The following REPS2 variants were observed in gnomAD, a reference collection of about 807,000 sequenced individuals.
REPS2 encodes the protein RALBP1 associated Eps domain containing 2.
Under a neutral mutation model 53.6 loss-of-function variants are expected in REPS2, and 23 were observed. The observed-to-expected ratio is 0.43, with a 90% CI of 0.31 to 0.61. REPS2 has a LOEUF of 0.61. Among genes scored for constraint, REPS2 ranks in the 20% least tolerant of loss-of-function variants. The pLI is 0.11. For missense variants in REPS2, 446 were observed against 534.9 expected, an observed-to-expected ratio of 0.83 and a Z score of 1.64; for synonymous variants, 238 against 218.6, an observed-to-expected ratio of 1.09 and a Z score of -0.78.
At chrX:16,965,011 C>T (rs1489817156) in intron 1 of REPS2, among the ~76,000 whole-genome samples, 1 of 86,055 alleles carries the variant, frequency 1.2e-5, no homozygotes, top group Non-Finnish European at 2.3e-5. Context: ...CCCCTCACCT[C>T]CCGGACGGGG....
chrX:17,021,616 G>A (rs897880047), intron 2 of REPS2, among the ~76,000 whole-genome samples: 11 of 112,742 alleles, frequency 9.8e-5, no homozygotes, highest in African/African-American at 3.5e-4. Context: ...CCACAGATGA[G>A]TTGTGTGATC....
intron 14 of REPS2, among the ~76,000 whole-genome samples, chrX:17,133,324 A>G (rs970987854): frequency 9.0e-6 from 1 of 111,363 alleles, no homozygotes; most frequent in Non-Finnish European, 1.9e-5. Flanking sequence ...TAGGTGCTGG[A>G]TCTGGGGATG....
chrX:17,144,759 AC>A (rs1569202072), intron 17 of REPS2, among the ~76,000 whole-genome samples: 1 of 111,775 alleles, frequency 8.9e-6, no homozygotes, highest in Non-Finnish European at 1.9e-5. Context: ...CCTAAGGGGG[AC>A]CCTGCTGCCA....
intron 17 of REPS2, among the ~76,000 whole-genome samples, chrX:17,144,343 G>T (rs1201755169): frequency 8.9e-6 from 1 of 112,746 alleles, no homozygotes; most frequent in African/African-American, 3.2e-5. Flanking sequence ...GAATGATCTG[G>T]GGATCTAATT....
At chrX:17,168,651 G>C in the REPS2 span, among the ~76,000 whole-genome samples, 1 of 111,819 alleles carries the variant, frequency 8.9e-6, no homozygotes, top group Non-Finnish European at 1.9e-5. Context: ...CTCAATATCT[G>C]TGCTCAGGTT....
chrX:17,170,689 T>G, the REPS2 span, among the ~76,000 whole-genome samples: 1 of 112,427 alleles, frequency 8.9e-6, no homozygotes, highest in Non-Finnish European at 1.9e-5. Context: ...CAGGCCCTCT[T>G]GAGGAAATAG....
intron 1 of REPS2, among the ~76,000 whole-genome samples, chrX:16,950,214 G>T (rs1340359042): frequency 1.8e-5 from 2 of 111,243 alleles, no homozygotes; most frequent in Non-Finnish European, 3.8e-5. Context: ...TGGTTTGGTG[G>T]CTCATTTCTT....
intron 1 of REPS2, among the ~76,000 whole-genome samples, chrX:16,966,835 A>G (rs900974284): frequency 4.4e-5 from 5 of 112,463 alleles, no homozygotes; most frequent in African/African-American, 1.3e-4. Context: ...TGGGTGCCCA[A>G]TACTACTTTT....
intron 5 of REPS2, among the ~76,000 whole-genome samples, chrX:17,030,595 G>A (rs142726202): frequency 1.8e-5 from 2 of 112,019 alleles, no homozygotes; most frequent in Non-Finnish European, 3.8e-5. Flanking sequence ...TAGATGTGGT[G>A]CAGAACTTGA....
chrX:16,959,352 C>G lies in REPS2; in HGVS notation c.273+12218C>G, dbSNP rs558486736. Among the ~76,000 whole-genome samples the G allele has an allele frequency of 3.0e-4, 34 of 112,405 alleles. No homozygotes were observed. In the Admixed American group the frequency reaches 3.1e-3, roughly 10 times the overall value. On this transcript the variant is annotated intron_variant, in intron 1 of 17. Transcript: ENST00000357277. ...GCTCAAGTGATCCTCCCACCTTGGC[C>G]TCCAGAAGTGCTAGGAATACAGGTG...
At chrX:17,050,190 C>CTT (rs1476795089) in intron 6 of REPS2, among the ~76,000 whole-genome samples, 2 of 48,718 alleles carry the variant, frequency 4.1e-5, no homozygotes, top group African/African-American at 1.7e-4. Flanking sequence ...TTCTTTCTTT[C>CTT]TTTCTTTTTT....
Position 16,947,033 on chromosome X carries a change from C to T in REPS2, c.172C>T (p.Pro58Ser), listed in dbSNP as rs1171942920. ...GGGCGGGGGCCCCGGGTCTGGGCCCCCCGAGGCCGCCAGAGTCGCCCCCGG... is the reference window on the plus strand; with the variant it reads ...GGGCGGGGGCCCCGGGTCTGGGCCCTCCGAGGCCGCCAGAGTCGCCCCCGG... ...AAGGGPGSGPPEAARVAPGTA... is the reference protein window; with the variant it reads ...AAGGGPGSGPSEAARVAPGTA... The change falls in exon 1 of 18, where the codon CCC becomes TCC. Residue 58 changes from proline (P) to serine (S), a missense_variant. By Grantham distance (74) the Pro-to-Ser change is moderately conservative. Coordinates refer to ENST00000357277, the MANE Select transcript of REPS2 (RefSeq NM_004726.3). The T allele has an allele frequency of 5.4e-5, 53 of 988,427 alleles. No homozygotes were observed. Among genetic ancestry groups the T allele is most frequent in the Non-Finnish European group, 6.6e-5 (52 of 788,545 alleles). 81.5% of individuals were successfully genotyped at this position (988,427 alleles called of 1,213,427 possible). A position where few individuals can be genotyped will look rare whatever the true frequency, so the allele number is the denominator to read the frequency against.
intron 14 of REPS2, among the ~76,000 whole-genome samples, chrX:17,106,597 G>T (rs1411344331): frequency 1.8e-5 from 2 of 109,356 alleles, no homozygotes; most frequent in African/African-American, 6.7e-5. Context: ...GTATTTTTTA[G>T]TAGAGACGGG....
chrX:17,118,383 T>C (rs918996433), intron 14 of REPS2, among the ~76,000 whole-genome samples: 2 of 111,629 alleles, frequency 1.8e-5, no homozygotes, highest in African/African-American at 6.5e-5. Flanking sequence ...CCTACCACTT[T>C]GTGATTTGGC....
At position 17,133,854 on chromosome X, in the gene REPS2, C is replaced by T. The variant is rs903181288; in HGVS notation, c.1609C>T (p.Pro537Ser). 1 of 1,209,544 alleles carries T rather than the reference C, an allele frequency of 8.3e-7. No individual in the cohort carries two copies. The highest frequency in any genetic ancestry group is 1.1e-6 in the Non-Finnish European group (1 of 894,879). ...SEQVSEAELL[P>S]QLSRAPSQAA... ...ACAAGTGTCGGAGGCCGAGTTACTC[C>T]CACAGCTGAGCAGAGCCCCATCCCA... The change falls in exon 15 of 18, where the codon CCA (proline) becomes TCA (serine). Residue 537 changes from proline (P) to serine (S), a missense_variant. Physicochemically the swap from Pro to Ser is moderately conservative, Grantham distance 74. Coordinates refer to ENST00000357277, the MANE Select transcript of REPS2 (RefSeq NM_004726.3).
intron 1 of REPS2, among the ~76,000 whole-genome samples, chrX:16,963,903 C>G (rs1602517962): frequency 9.0e-6 from 1 of 111,360 alleles, no homozygotes; most frequent in African/African-American, 3.3e-5. Context: ...TGGGAAAGGT[C>G]AGATTTCCAT....
intron 17 of REPS2, 112 bp from the exon 18 acceptor site, chrX:17,147,301 C>A: frequency 1.8e-6 from 1 of 559,244 alleles, no homozygotes; most frequent in African/African-American, 2.3e-5. Context: ...TTATACAGCA[C>A]TTGTATTTGT....
At chrX:17,093,200 A>ATATATATATATAT (rs61196590) in intron 13 of REPS2, among the ~76,000 whole-genome samples, 66 of 15,419 alleles carry the variant, frequency 4.3e-3, no homozygotes, top group African/African-American at 4.9e-3. Flanking sequence ...ATATATATAT[A>ATATATATATATAT]ATTTTTTTTT....
At chrX:16,954,884 C>A (rs2060573992) in intron 1 of REPS2, among the ~76,000 whole-genome samples, 1 of 99,409 alleles carries the variant, frequency 1.0e-5, no homozygotes, top group Non-Finnish European at 2.0e-5. Context: ...AAGGTCGGCT[C>A]ACTGCAACCT....
Sources: allele counts gnomAD v4.1 joint callset (sites outside exome capture counted in the v4.1 genomes callset), GRCh38; gene constraint gnomAD v4.1.1; transcripts MANE v1.5; gene names NCBI Gene and HGNC (gene_info 2026-07-23, HGNC 2026-07-21).